The following ASXL3 variants were observed in gnomAD, a reference collection of about 807,000 sequenced individuals.
ASXL3 encodes ASXL transcriptional regulator 3.
ASXL3 carries 34 observed loss-of-function variants against 170.6 expected under a neutral mutation model. The ratio of observed to expected loss-of-function variants is 0.20; its 90% CI spans 0.15 to 0.27. ASXL3 has a LOEUF of 0.27. ASXL3 is among the 10% of genes least tolerant of loss of function. The pLI, the probability that ASXL3 is intolerant of heterozygous loss-of-function variation, is 1.00. For synonymous variants in ASXL3, 1,002 were observed against 989.1 expected (o/e 1.01, Z -0.24); for missense variants, 2,592 against 2,695.3 (o/e 0.96, Z 0.85).
intron 1 of ASXL3, among the ~76,000 whole-genome samples, chr18:33,605,166 T>A (rs1436604924): frequency 1.3e-5 from 2 of 151,952 alleles, no homozygotes; most frequent in African/African-American, 2.4e-5. Flanking sequence ...GTTGGGGCAA[T>A]GGACAGTTAG....
intron 5 of ASXL3, among the ~76,000 whole-genome samples, chr18:33,667,018 GTA>G: frequency 6.6e-6 from 1 of 152,268 alleles, no homozygotes; most frequent in South Asian, 2.1e-4. Context: ...GAGGAGCCCT[GTA>G]TATAGAGCCT....
intron 8 of ASXL3, among the ~76,000 whole-genome samples, chr18:33,717,830 A>C (rs950148524): frequency 6.6e-6 from 1 of 152,084 alleles, no homozygotes; most frequent in Non-Finnish European, 1.5e-5. Context: ...AATGGAAGGA[A>C]TTTACCTCCC....
chr18:33,599,647 A>C (rs959981643), intron 1 of ASXL3, among the ~76,000 whole-genome samples: 4 of 152,170 alleles, frequency 2.6e-5, no homozygotes, highest in African/African-American at 9.7e-5. Context: ...TTGAGATCAC[A>C]GTGTCCTTTT....
At chr18:33,612,268 AT>A (rs2065347356) in intron 2 of ASXL3, among the ~76,000 whole-genome samples, 1 of 152,076 alleles carries the variant, frequency 6.6e-6, no homozygotes, top group Non-Finnish European at 1.5e-5. Flanking sequence ...TATGAGGTAC[AT>A]TTTAACAATA....
chr18:33,613,658 C>T (rs372698932), intron 2 of ASXL3, among the ~76,000 whole-genome samples: 2 of 152,114 alleles, frequency 1.3e-5, no homozygotes, highest in African/African-American at 4.8e-5. Context: ...GTGACTCATG[C>T]CTATAATCCC....
At chr18:33,599,525 C>T (rs1021828876) in intron 1 of ASXL3, among the ~76,000 whole-genome samples, 1 of 151,974 alleles carries the variant, frequency 6.6e-6, no homozygotes, top group Non-Finnish European at 1.5e-5. Context: ...TCATGCTTGT[C>T]AAATAGGTGG....
At chr18:33,596,530 T>C (rs538516988) in intron 1 of ASXL3, among the ~76,000 whole-genome samples, 2 of 152,322 alleles carry the variant, frequency 1.3e-5, no homozygotes, top group South Asian at 4.1e-4. Context: ...AACAAAGTCA[T>C]TTTATACGAT....
intron 11 of ASXL3, among the ~76,000 whole-genome samples, 200 bp from the exon 12 acceptor site, chr18:33,742,688 T>C (rs544847030): frequency 4.6e-5 from 7 of 152,312 alleles, no homozygotes; most frequent in African/African-American, 1.4e-4. Context: ...AAAAAACAGA[T>C]TAAAAACTTA....
At chr18:33,709,482 C>T (rs1027152132) in intron 8 of ASXL3, among the ~76,000 whole-genome samples, 3 of 152,106 alleles carry the variant, frequency 2.0e-5, no homozygotes, top group South Asian at 2.1e-4. Context: ...CATGCAACAC[C>T]ATGGATGAAT....
At chr18:33,590,316 A>G (rs1037346220) in intron 1 of ASXL3, among the ~76,000 whole-genome samples, 1 of 151,904 alleles carries the variant, frequency 6.6e-6, no homozygotes, top group Non-Finnish European at 1.5e-5. Context: ...TGCTAATGCC[A>G]AAGAAGATTT....
chr18:33,607,518 G>A lies in ASXL3; in HGVS notation c.55-76G>A, dbSNP rs2065268029. 7 of 1,149,960 alleles carry A rather than the reference G, an allele frequency of 6.1e-6. No homozygotes were observed. The South Asian group carries it at 8.1e-5, about 13-fold the overall frequency. The allele number at this position is 1,149,960 out of a possible 1,614,324, so 71.2% of individuals were successfully genotyped here. A position where few individuals can be genotyped will look rare whatever the true frequency, so the allele number is the denominator to read the frequency against. On this transcript the variant is annotated intron_variant, in intron 1 of 11. Coordinates refer to ENST00000269197, the MANE Select transcript of ASXL3 (RefSeq NM_030632.3). The stretch of plus-strand genomic sequence containing the variant: ...CTTCCCCTCTAATAAAATAAGCAGA[G>A]AATGCATGATTCACATACATTTTCA...
intron 2 of ASXL3, among the ~76,000 whole-genome samples, chr18:33,639,612 A>G (rs1277523258): frequency 6.6e-6 from 1 of 152,128 alleles, no homozygotes; most frequent in Non-Finnish European, 1.5e-5. Flanking sequence ...TTCCCTGTAG[A>G]TCTTGTTTTA....
At chr18:33,659,303 G>A (rs563019121) in intron 4 of ASXL3, among the ~76,000 whole-genome samples, 2 of 152,142 alleles carry the variant, frequency 1.3e-5, no homozygotes, top group East Asian at 1.9e-4. Flanking sequence ...ACATTTAGAC[G>A]CCCAGTATGC....
At chr18:33,708,057 C>G (rs2066992395) in intron 8 of ASXL3, among the ~76,000 whole-genome samples, 1 of 152,072 alleles carries the variant, frequency 6.6e-6, no homozygotes, top group Non-Finnish European at 1.5e-5. Context: ...CAGTTTTGAT[C>G]AAGTGGAGAT....
Position 33,750,105 on chromosome 18 carries a change from C to T in ASXL3, c.*3510C>T, listed in dbSNP as rs11664817. 2.0e-5 allele frequency: 3 copies of T among 152,288 alleles called. No individual in the cohort carries two copies. The East Asian group carries it at 5.8e-4, about 29-fold the overall frequency. 9.4% of individuals were successfully genotyped at this position (152,288 alleles called of 1,614,324 possible). A position where few individuals can be genotyped will look rare whatever the true frequency, so the allele number is the denominator to read the frequency against. ...TGAGGCCCAGCACAGCGGTAGCTGCCTAGTGGGAATGACCCCCTGAGCATG... is the reference window on the plus strand; with the variant it reads ...TGAGGCCCAGCACAGCGGTAGCTGCTTAGTGGGAATGACCCCCTGAGCATG... On this transcript the variant is annotated 3_prime_UTR_variant, in exon 12 of 12. Coordinates refer to ENST00000269197, the MANE Select transcript of ASXL3 (RefSeq NM_030632.3).
chr18:33,653,022 A>C (rs1452378010), intron 4 of ASXL3, among the ~76,000 whole-genome samples: 1 of 152,080 alleles, frequency 6.6e-6, no homozygotes, highest in Admixed American at 6.6e-5. Context: ...GCTACAAAAA[A>C]GGAAAATGAG....
At chr18:33,644,744 G>A (rs536111662) in intron 2 of ASXL3, 150 bp from the exon 3 acceptor site, 3 of 460,424 alleles carry the variant, frequency 6.5e-6, no homozygotes, top group Non-Finnish European at 1.1e-5. Context: ...TTTCAGGGTT[G>A]AGAGGGTATT....
Position 33,743,987 on chromosome 18 carries a change from A to G in ASXL3, c.4139A>G (p.Glu1380Gly). Reference sequence around the variant, plus strand: ...GAGAAGATAGCCATACCTGGGAGTGAAGAACAGGCCACTGTATCCATGGGT... The same window carrying G: ...GAGAAGATAGCCATACCTGGGAGTGGAGAACAGGCCACTGTATCCATGGGT... ...PSEKIAIPGS[E>G]EQATVSMGTT... The change falls in exon 12 of 12, where the codon GAA becomes GGA. Residue 1380 changes from glutamate (E) to glycine (G), a missense_variant. Glu to Gly is a moderately conservative substitution (Grantham distance 98). Transcript: ENST00000269197. The G allele has an allele frequency of 6.2e-7, 1 of 1,614,048 alleles. No homozygotes were observed. Among genetic ancestry groups the G allele is most frequent in the Non-Finnish European group, 8.5e-7 (1 of 1,179,900 alleles).
intron 7 of ASXL3, among the ~76,000 whole-genome samples, chr18:33,679,529 AGTT>A (rs1167147453): frequency 2.0e-5 from 3 of 152,048 alleles, no homozygotes; most frequent in Non-Finnish European, 2.9e-5. Context: ...CAATTGAAGA[AGTT>A]TTTTCTTTTT....
Sources: gnomAD v4.1 joint callset for allele counts (sites outside exome capture counted in the v4.1 genomes callset) on GRCh38, gnomAD v4.1.1 for gene constraint, MANE v1.5 for transcripts, NCBI Gene and HGNC (gene_info 2026-07-23, HGNC 2026-07-21) for gene names.